Variants in ATG3 observed in about 807,000 individuals in gnomAD.
ATG3 encodes autophagy related 3.
In ATG3, 25 loss-of-function variants were observed where a neutral mutation model predicts 50.7. The observed-to-expected ratio is 0.49, with a 90% CI of 0.36 to 0.69. The LOEUF is 0.69. ATG3 is among the 30% of genes least tolerant of loss of function. The probability of loss-of-function intolerance (pLI) is 0.00; values close to 1 mark genes in which losing one functional copy is unlikely to be tolerated. For synonymous variants in ATG3, 119 were observed against 125.5 expected (o/e 0.95, Z 0.34); for missense variants, 281 against 376.0 (o/e 0.75, Z 2.09).
Position 112,561,552 on chromosome 3 carries a change from C to A in ATG3, c.-24G>T. 2 of 1,601,352 alleles carry A rather than the reference C, an allele frequency of 1.2e-6. No individual in the cohort carries two copies. The highest frequency in any genetic ancestry group is 8.5e-7 in the Non-Finnish European group (1 of 1,175,692). ...ATCCTGGGGCCGGAGTAGCGGCCGG[C>A]CCCGCGACGGGATGGAAAGTGCAGC... On this transcript the variant is annotated 5_prime_UTR_variant, in exon 1 of 12. Coordinates refer to ENST00000283290, the MANE Select transcript of ATG3 (RefSeq NM_022488.5).
At chr3:112,554,654 T>G (rs1377988807) in intron 2 of ATG3, among the ~76,000 whole-genome samples, 1 of 152,240 alleles carries the variant, frequency 6.6e-6, no homozygotes, top group Non-Finnish European at 1.5e-5. Flanking sequence ...TTACTTCTAT[T>G]TTGCAACAGC....
At chr3:112,543,992 T>G in intron 6 of ATG3, 65 bp downstream of exon 6, 1 of 1,213,090 alleles carries the variant, frequency 8.2e-7, no homozygotes, top group Non-Finnish European at 1.2e-6. Flanking sequence ...TATGTGTGTG[T>G]ATAGATAGAT....
chr3:112,557,717 G>A (rs1236390718), intron 2 of ATG3, among the ~76,000 whole-genome samples: 1 of 151,994 alleles, frequency 6.6e-6, no homozygotes, highest in Non-Finnish European at 1.5e-5. Context: ...CCACACCTTG[G>A]ACCTTAACAG....
rs1278999279 is a variant in ATG3 at position 112,548,780 on chromosome 3, A to AT, written c.236-141dup. On this transcript the variant is annotated intron_variant, in intron 4 of 11. Coordinates refer to ENST00000283290, the MANE Select transcript of ATG3 (RefSeq NM_022488.5). ...AGTGAATATTTCACTTTTAAAGGTG[A>AT]TTAAGAGTTACATTCAGCTCATAGA... The AT allele has an allele frequency of 7.3e-6, 5 of 688,768 alleles. No individual in the cohort carries two copies. In the East Asian group the frequency reaches 1.4e-4, roughly 19 times the overall value. The allele number at this position is 688,768 out of a possible 1,614,324, so 42.7% of individuals were successfully genotyped here. A position where few individuals can be genotyped will look rare whatever the true frequency, so the allele number is the denominator to read the frequency against.
At chr3:112,559,127 CA>C (rs1933767566) in intron 1 of ATG3, among the ~76,000 whole-genome samples, 1 of 152,140 alleles carries the variant, frequency 6.6e-6, no homozygotes, top group Non-Finnish European at 1.5e-5. Flanking sequence ...TATTTTACAG[CA>C]CAGCAAAAAT....
chr3:112,534,303 C>T lies in ATG3; in HGVS notation c.829G>A (p.Val277Ile). 6.3e-7 allele frequency: 1 copy of T among 1,592,982 alleles called. No individual in the cohort carries two copies. The highest frequency in any genetic ancestry group is 8.5e-7 in the Non-Finnish European group (1 of 1,171,110). ...AEVMKKIIET[V>I]AEGGGELGVH... is the part of the protein sequence containing the mutation. The stretch of plus-strand genomic sequence containing the variant: ...CCAAGTTCTCCCCCTCCTTCTGCAA[C>T]AGTCTCAATGATTTTCTTCATCACC... The change falls in exon 11 of 12, where the codon GTT becomes ATT. Residue 277 changes from valine to isoleucine, a missense_variant. Around this residue, in one of 3 missense-constraint regions of ATG3, gnomAD observed 242 missense variants for 305.0 expected, o/e 0.79. Coordinates refer to ENST00000283290, the MANE Select transcript of ATG3 (RefSeq NM_022488.5).
chr3:112,551,137 T>A (rs1485480779), intron 3 of ATG3, among the ~76,000 whole-genome samples: 2 of 152,200 alleles, frequency 1.3e-5, no homozygotes, highest in Non-Finnish European at 2.9e-5. Context: ...GGTGGAGTGG[T>A]ATGTGGTGCC....
At chr3:112,534,239 G>A in intron 11 of ATG3, 30 bp downstream of exon 11, 1 of 1,590,594 alleles carries the variant, frequency 6.3e-7, no homozygotes, top group Non-Finnish European at 8.5e-7. Context: ...CAGCCATTTT[G>A]CCACTAATCT....
intron 2 of ATG3, among the ~76,000 whole-genome samples, chr3:112,553,836 T>A (rs939074562): frequency 6.6e-6 from 1 of 152,204 alleles, no homozygotes; most frequent in Admixed American, 6.5e-5. Context: ...TTATTATTTT[T>A]AAAAATTTAA....
intron 3 of ATG3, among the ~76,000 whole-genome samples, chr3:112,552,293 G>A (rs16859775): frequency 0.07 from 10,568 of 151,968 alleles, 447 homozygotes; most frequent in Admixed American, 0.12. Flanking sequence ...AGTCTTTATC[G>A]TGAGTACTTG....
At chr3:112,536,288 T>A in intron 10 of ATG3, 187 bp downstream of exon 10, 1 of 597,708 alleles carries the variant, frequency 1.7e-6, no homozygotes. Context: ...AACAAATTGG[T>A]AAGTTTTTTT....
At position 112,561,480 on chromosome 3, in the gene ATG3, C is replaced by G; in HGVS notation, c.49G>C (p.Glu17Gln). 6.2e-7 allele frequency: 1 copy of G among 1,613,444 alleles called. No individual in the cohort carries two copies. Among genetic ancestry groups the G allele is most frequent in the Non-Finnish European group, 8.5e-7 (1 of 1,179,994 alleles). The change falls in exon 1 of 12, where the codon GAG (glutamate) becomes CAG (glutamine). Residue 17 changes from glutamate (E) to glutamine (Q), a missense_variant. By Grantham distance (29) the Glu-to-Gln change is conservative (BLOSUM62 2). This residue lies in a region of ATG3 where 22 missense variants were observed against 22.7 expected (regional missense o/e 0.97). Coordinates refer to ENST00000283290, the MANE Select transcript of ATG3 (RefSeq NM_022488.5). ...TVKGKALEVAEYLTPVLKESK... is the reference protein window; with the variant it reads ...TVKGKALEVAQYLTPVLKESK... The stretch of plus-strand genomic sequence containing the variant: ...ACCTTGAGGACCGGGGTCAGGTACT[C>G]AGCCACTTCCAGTGCCTTTCCCTTC...
In ATG3 at chr3:112,548,624, C is replaced by A. The variant is rs1432398362; in HGVS notation, c.252G>T (p.Arg84=). 5 of 1,613,774 alleles carry A rather than the reference C, an allele frequency of 3.1e-6. No homozygotes were observed. The highest frequency in any genetic ancestry group is 4.2e-6 in the Non-Finnish European group (5 of 1,179,906). ...CATCTGAATATTCCATCTGTTTGCA[C>A]CGCTTATAGCACGGCACTATAAAAA... The part of the protein sequence containing the change: ...LVTKNVPCYK[R]CKQMEYSDEL... Residue 84 remains arginine (R), a synonymous_variant, in exon 5 of 12, where the codon CGG becomes CGT. Coordinates refer to ENST00000283290, the MANE Select transcript of ATG3 (RefSeq NM_022488.5).
intron 9 of ATG3, 98 bp downstream of exon 9, chr3:112,537,637 G>T: frequency 1.1e-6 from 1 of 892,238 alleles, no homozygotes; most frequent in South Asian, 2.6e-5. Flanking sequence ...TCCAAAATGT[G>T]AAACACTGCA....
intron 10 of ATG3, 34 bp downstream of exon 10, chr3:112,536,441 A>T (rs200737340): frequency 1.2e-6 from 2 of 1,602,672 alleles, no homozygotes; most frequent in African/African-American, 1.3e-5. Flanking sequence ...ATACAATCAC[A>T]TCAAAAAATA....
Position 112,536,612 on chromosome 3 carries a change from T to C in ATG3, c.667-10A>G. On this transcript the variant is annotated splice_polypyrimidine_tract_variant and intron_variant, in intron 9 of 11. Coordinates refer to ENST00000283290, the MANE Select transcript of ATG3 (RefSeq NM_022488.5). The stretch of plus-strand genomic sequence containing the variant: ...TTAAAGGCTGCCGTTGCTGAAAGCA[T>C]AAAAAATGCTTTGAAATTACTATTT... 6.2e-7 allele frequency: 1 copy of C among 1,612,170 alleles called. No homozygotes were observed. Among genetic ancestry groups the C allele is most frequent in the Non-Finnish European group, 8.5e-7 (1 of 1,178,302 alleles).
chr3:112,546,093 T>C (rs1933360077), intron 5 of ATG3, among the ~76,000 whole-genome samples: 1 of 152,084 alleles, frequency 6.6e-6, no homozygotes, highest in South Asian at 2.1e-4. Flanking sequence ...CCCTGCAGAA[T>C]TCAGACTTGC....
rs150496135 is a variant in ATG3 at position 112,547,456 on chromosome 3, G to A, written c.343+1077C>T. Among the ~76,000 whole-genome samples the A allele has an allele frequency of 1.7e-3, 264 of 152,164 alleles. 3 individuals carry two copies. In the East Asian group the frequency reaches 0.039, roughly 22 times the overall value. ...CTAAGGATATAACTCCTAACCTCTA[G>A]GACTCAAAGGGAGAAAAATTTGTTT... On this transcript the variant is annotated intron_variant, in intron 5 of 11. Coordinates refer to ENST00000283290, the MANE Select transcript of ATG3 (RefSeq NM_022488.5).
chr3:112,549,048 T>A (rs901179104), intron 4 of ATG3, among the ~76,000 whole-genome samples: 2 of 152,194 alleles, frequency 1.3e-5, no homozygotes, highest in African/African-American at 4.8e-5. Flanking sequence ...GTGGTAAAGG[T>A]GAACTCTTGT....
Sources: allele counts gnomAD v4.1 joint callset (sites outside exome capture counted in the v4.1 genomes callset), GRCh38; gene constraint gnomAD v4.1.1; regional missense constraint gnomAD v4.1.1; transcripts MANE v1.5; gene names NCBI Gene and HGNC (gene_info 2026-07-23, HGNC 2026-07-21).